VPS13B: variants seen among roughly 807,000 people sequenced by gnomAD.
The protein encoded by VPS13B is vacuolar protein sorting 13 homolog B, also known as intermembrane lipid transfer protein VPS13B.
In VPS13B, 285 loss-of-function variants were observed where a neutral mutation model predicts 426.4. The ratio of observed to expected loss-of-function variants is 0.67; its 90% CI spans 0.61 to 0.74. The LOEUF (loss-of-function observed/expected upper bound fraction) is 0.74. Among genes scored for constraint, VPS13B ranks in the 30% least tolerant of loss-of-function variants. The pLI is 0.00. For missense variants in VPS13B, 4,537 were observed against 4,782.6 expected, an observed-to-expected ratio of 0.95 and a Z score of 1.51; for synonymous variants, 1,676 against 1,676.4, an observed-to-expected ratio of 1.00 and a Z score of 0.01.
At chr8:99,375,086 C>T (rs1303704310) in intron 19 of VPS13B, among the ~76,000 whole-genome samples, 1 of 152,200 alleles carries the variant, frequency 6.6e-6, no homozygotes, top group Non-Finnish European at 1.5e-5. Context: ...TCTTGTCATT[C>T]TCATGAACAA....
rs1812964770 is a variant in VPS13B at position 99,367,673 on chromosome 8, TG to T, written c.2825-16534del. Among the ~76,000 whole-genome samples the T allele has an allele frequency of 2.0e-5, 3 of 152,326 alleles. No individual in the cohort carries two copies. The South Asian group carries it at 6.2e-4, about 32-fold the overall frequency. ...TTATTTTCTAGATCTTGTAGATAGA[TG>T]TGCTTTACTCTTCTCTTTTTTCTTT... On this transcript the variant is annotated intron_variant, in intron 19 of 61. Coordinates refer to ENST00000357162, the MANE Select transcript of VPS13B (RefSeq NM_152564.5).
chr8:99,138,975 G>A (rs899162406), intron 12 of VPS13B, among the ~76,000 whole-genome samples: 8 of 152,054 alleles, frequency 5.3e-5, no homozygotes, highest in African/African-American at 1.7e-4. Context: ...TTGTTAGATT[G>A]TTTATATATT....
chr8:99,682,998 AT>A (rs1332250805), intron 35 of VPS13B, among the ~76,000 whole-genome samples: 2 of 152,102 alleles, frequency 1.3e-5, no homozygotes, highest in Admixed American at 1.3e-4. Flanking sequence ...AGACCTTCTA[AT>A]TTTACATTTT....
chr8:99,155,955 T>C (rs899790721), intron 14 of VPS13B, among the ~76,000 whole-genome samples: 3 of 152,188 alleles, frequency 2.0e-5, no homozygotes, highest in African/African-American at 4.8e-5. Context: ...GAAACTTACC[T>C]GTATTTATTT....
intron 19 of VPS13B, among the ~76,000 whole-genome samples, chr8:99,362,139 C>CTTTTT (rs71273181): frequency 5.0e-5 from 6 of 119,756 alleles, no homozygotes; most frequent in Non-Finnish European, 8.8e-5. Context: ...TTTAATTTGT[C>CTTTTT]TTTTTTTTTT....
intron 15 of VPS13B, among the ~76,000 whole-genome samples, chr8:99,163,263 G>A (rs906773050): frequency 1.3e-5 from 2 of 152,222 alleles, no homozygotes; most frequent in Non-Finnish European, 2.9e-5. Flanking sequence ...GCTGATTGGT[G>A]TATTTACAAT....
In VPS13B at chr8:99,431,523, A is replaced by G. The variant is rs373617404; in HGVS notation, c.3083-14A>G. The G allele has an allele frequency of 4.9e-5, 79 of 1,612,866 alleles. No individual in the cohort carries two copies. The African/African-American group carries it at 8.1e-4, about 17-fold the overall frequency. On this transcript the variant is annotated splice_polypyrimidine_tract_variant and intron_variant, in intron 21 of 61. Transcript: ENST00000357162. ...TTATGTTTCTATTAAATAATTAGCTATTCTCGTACTCAGAATCCCGCCCAT... is the reference window on the plus strand; with the variant it reads ...TTATGTTTCTATTAAATAATTAGCTGTTCTCGTACTCAGAATCCCGCCCAT...
rs553244547 is a variant in VPS13B, at chr8:99,020,806, G to A, written c.147+6871G>A. ...TCCTATTCCATTGAGTAATATGTCTGCCTTTATGATACTATCACACTGTTT... is the reference window on the plus strand; with the variant it reads ...TCCTATTCCATTGAGTAATATGTCTACCTTTATGATACTATCACACTGTTT... On this transcript the variant is annotated intron_variant, in intron 2 of 61. Transcript: ENST00000357162. 5.0e-4 allele frequency among the ~76,000 whole-genome samples: 76 copies of A among 152,274 alleles called. 1 individual carries two copies. Among genetic ancestry groups the A allele is most frequent in the Middle Eastern group, 3.4e-3 (1 of 294 alleles).
intron 12 of VPS13B, among the ~76,000 whole-genome samples, chr8:99,142,070 A>G (rs1810456952): frequency 6.6e-6 from 1 of 152,010 alleles, no homozygotes; most frequent in East Asian, 1.9e-4. Flanking sequence ...AATAAAAATC[A>G]ATCAATCAAT....
intron 42 of VPS13B, 131 bp downstream of exon 42, chr8:99,779,162 A>G (rs1415305347): frequency 1.2e-5 from 11 of 928,160 alleles, no homozygotes; most frequent in Middle Eastern, 2.8e-4. Context: ...GATGGGCACC[A>G]TTATACTTGA....
intron 61 of VPS13B, among the ~76,000 whole-genome samples, chr8:99,872,424 G>A (rs2130979448): frequency 6.6e-6 from 1 of 152,314 alleles, no homozygotes; most frequent in Non-Finnish European, 1.5e-5. Context: ...GGCTCTTGGG[G>A]CAGCTCCATG....
At chr8:99,861,483 A>G (rs569353005) in intron 57 of VPS13B, among the ~76,000 whole-genome samples, 3 of 152,238 alleles carry the variant, frequency 2.0e-5, no homozygotes, top group Admixed American at 2.0e-4. Flanking sequence ...TTAACTTTTC[A>G]TAGAGACAGG....
intron 8 of VPS13B, among the ~76,000 whole-genome samples, chr8:99,130,265 A>C (rs1367534213): frequency 1.3e-5 from 2 of 152,240 alleles, no homozygotes; most frequent in Non-Finnish European, 2.9e-5. Flanking sequence ...TTTGTTAAGA[A>C]AACAAGATCA....
chr8:99,309,877 C>T (rs943579736), intron 19 of VPS13B, among the ~76,000 whole-genome samples: 1 of 152,166 alleles, frequency 6.6e-6, no homozygotes, highest in African/African-American at 2.4e-5. Flanking sequence ...GTTTGTAGTT[C>T]TCCTTGAAGA....
intron 39 of VPS13B, among the ~76,000 whole-genome samples, chr8:99,760,625 A>G (rs1411019871): frequency 6.6e-6 from 1 of 152,144 alleles, no homozygotes; most frequent in African/African-American, 2.4e-5. Flanking sequence ...ATGGTTCAAT[A>G]TGTATTTGAA....
chr8:99,522,229 T>C (rs975631355), intron 30 of VPS13B, among the ~76,000 whole-genome samples: 4 of 152,198 alleles, frequency 2.6e-5, no homozygotes, highest in African/African-American at 9.7e-5. Flanking sequence ...TTTAATTTTC[T>C]AACATTTGGA....
At chr8:99,578,190 A>C (rs2133813195) in intron 33 of VPS13B, among the ~76,000 whole-genome samples, 1 of 152,302 alleles carries the variant, frequency 6.6e-6, no homozygotes, top group South Asian at 2.1e-4. Flanking sequence ...GCTATTTGTT[A>C]GATTCTTCTC....
At chr8:99,418,185 G>C (rs535522854) in intron 21 of VPS13B, among the ~76,000 whole-genome samples, 2 of 152,166 alleles carry the variant, frequency 1.3e-5, no homozygotes, top group South Asian at 4.1e-4. Flanking sequence ...TAAGCCTTAA[G>C]AAGATAATAG....
intron 31 of VPS13B, among the ~76,000 whole-genome samples, chr8:99,575,023 AG>A (rs1825709366): frequency 6.6e-6 from 1 of 152,072 alleles, no homozygotes; most frequent in Non-Finnish European, 1.5e-5. Flanking sequence ...TAAATTAGCC[AG>A]GCATGGTGGT....
Sources: gnomAD v4.1 joint callset for allele counts (sites outside exome capture counted in the v4.1 genomes callset) on GRCh38, gnomAD v4.1.1 for gene constraint, MANE v1.5 for transcripts, NCBI Gene and HGNC (gene_info 2026-07-23, HGNC 2026-07-21) for gene names.